GALNT13: variants seen among roughly 807,000 people sequenced by gnomAD.
GALNT13 encodes UDP-GalNAc:polypeptide N-acetylgalactosaminyltransferase 13.
Under a neutral mutation model 64.2 loss-of-function variants are expected in GALNT13, and 28 were observed. The ratio of observed to expected loss-of-function variants is 0.44; its 90% CI spans 0.32 to 0.60. GALNT13 has a LOEUF of 0.60. Among genes scored for constraint, GALNT13 ranks in the 20% least tolerant of loss-of-function variants. GALNT13 has a pLI of 0.05. For synonymous variants in GALNT13, 214 were observed against 224.6 expected, an observed-to-expected ratio of 0.95 and a Z score of 0.42; for missense variants, 577 against 669.8, an observed-to-expected ratio of 0.86 and a Z score of 1.53.
chr2:154,070,648 T>C (rs1285369789), intron 3 of GALNT13, among the ~76,000 whole-genome samples: 1 of 152,164 alleles, frequency 6.6e-6, no homozygotes, highest in Non-Finnish European at 1.5e-5. Flanking sequence ...CCAGGTGCAG[T>C]GGCTCACACC....
At chr2:154,144,720 TA>T (rs1203548679) in intron 4 of GALNT13, among the ~76,000 whole-genome samples, 1 of 152,084 alleles carries the variant, frequency 6.6e-6, no homozygotes, top group African/African-American at 2.4e-5. Flanking sequence ...GGAATAAATC[TA>T]AGCATATATG....
chr2:154,004,787 AAT>A (rs1320246302), intron 3 of GALNT13, among the ~76,000 whole-genome samples: 1 of 152,196 alleles, frequency 6.6e-6, no homozygotes, highest in Admixed American at 6.5e-5. Flanking sequence ...TTATGTTTCA[AAT>A]ATATGTTATT....
the GALNT13 span, among the ~76,000 whole-genome samples, chr2:153,751,461 ATC>A: frequency 1.3e-5 from 2 of 151,624 alleles, no homozygotes; most frequent in Non-Finnish European, 2.9e-5. Flanking sequence ...ACTGGGGCCT[ATC>A]TCTCTCTTTA....
At chr2:154,098,352 T>C (rs1702179981) in intron 3 of GALNT13, among the ~76,000 whole-genome samples, 3 of 152,006 alleles carry the variant, frequency 2.0e-5, no homozygotes, top group African/African-American at 7.2e-5. Flanking sequence ...TATTTTTTTT[T>C]CTTCGTACTC....
intron 3 of GALNT13, among the ~76,000 whole-genome samples, chr2:154,022,138 C>T (rs1697554960): frequency 6.6e-6 from 1 of 152,150 alleles, no homozygotes; most frequent in African/African-American, 2.4e-5. Flanking sequence ...CATCGATGTT[C>T]ATCAAGGATA....
the GALNT13 span, among the ~76,000 whole-genome samples, chr2:153,505,661 G>A: frequency 6.6e-6 from 1 of 151,916 alleles, no homozygotes; most frequent in Non-Finnish European, 1.5e-5. Context: ...ATATATGCAT[G>A]GTTTTGAGGG....
rs374121163 is a variant in GALNT13 at position 154,021,639 on chromosome 2, A to G, written c.142+77000A>G. 1.8e-3 allele frequency among the ~76,000 whole-genome samples: 280 copies of G among 151,952 alleles called. 3 individuals carry two copies. In the East Asian group the frequency reaches 0.035, roughly 19 times the overall value. ...GGTTTTCTAGATATACAATCATGTC[A>G]TCTGCAAACAGGGACAATTTGACTT... On this transcript the variant is annotated intron_variant, in intron 3 of 12. Transcript: ENST00000392825.
At chr2:154,398,594 A>T (rs969422922) in intron 10 of GALNT13, among the ~76,000 whole-genome samples, 1 of 152,230 alleles carries the variant, frequency 6.6e-6, no homozygotes, top group Non-Finnish European at 1.5e-5. Context: ...AGCCTTTCAT[A>T]GCATCTAAAA....
At chr2:153,535,019 A>AT in the GALNT13 span, among the ~76,000 whole-genome samples, 40 of 151,984 alleles carry the variant, frequency 2.6e-4, no homozygotes, top group Middle Eastern at 3.4e-3. Context: ...GGCGGCGAAA[A>AT]TTTTTGGGGG....
At chr2:154,184,389 G>A (rs1686136738) in intron 4 of GALNT13, among the ~76,000 whole-genome samples, 1 of 152,014 alleles carries the variant, frequency 6.6e-6, no homozygotes, top group Admixed American at 6.6e-5. Flanking sequence ...CTTTATACTT[G>A]AAGTAATTAT....
chr2:153,380,426 TG>T, the GALNT13 span, among the ~76,000 whole-genome samples: 1 of 152,064 alleles, frequency 6.6e-6, no homozygotes, highest in African/African-American at 2.4e-5. Context: ...GAGCTATGAA[TG>T]CACAACTGCC....
At chr2:153,938,443 G>A (rs1022974511) in intron 2 of GALNT13, among the ~76,000 whole-genome samples, 1 of 152,114 alleles carries the variant, frequency 6.6e-6, no homozygotes, top group Non-Finnish European at 1.5e-5. Context: ...ACTGCAGTGT[G>A]GGCTCATAGA....
chr2:153,259,190 C>G, the GALNT13 span, among the ~76,000 whole-genome samples: 1 of 152,252 alleles, frequency 6.6e-6, no homozygotes, highest in East Asian at 1.9e-4. Context: ...CTTTCTTTGC[C>G]TCTGTATAGC....
chr2:153,485,304 T>C, the GALNT13 span, among the ~76,000 whole-genome samples: 9 of 152,352 alleles, frequency 5.9e-5, no homozygotes, highest in East Asian at 1.5e-3. Context: ...CTTGGATATA[T>C]GGAATATTCT....
chr2:153,924,829 T>TC (rs1041340088), intron 2 of GALNT13, among the ~76,000 whole-genome samples: 44 of 152,318 alleles, frequency 2.9e-4, no homozygotes, highest in African/African-American at 9.9e-4. Context: ...GAGCTTTTTT[T>TC]CATGTTTGTT....
chr2:153,209,201 C>T, the GALNT13 span, among the ~76,000 whole-genome samples: 2 of 151,818 alleles, frequency 1.3e-5, no homozygotes, highest in Non-Finnish European at 2.9e-5. Context: ...AGGATGGTCT[C>T]GATTTCCTGA....
At chr2:153,583,595 T>C in the GALNT13 span, among the ~76,000 whole-genome samples, 8 of 152,272 alleles carry the variant, frequency 5.3e-5, no homozygotes, top group East Asian at 5.8e-4. Context: ...TGCGGAATCA[T>C]GCAATCTGGG....
At chr2:153,364,361 C>G in the GALNT13 span, among the ~76,000 whole-genome samples, 1 of 151,338 alleles carries the variant, frequency 6.6e-6, no homozygotes, top group Non-Finnish European at 1.5e-5. Flanking sequence ...CACTCCTGTT[C>G]AACATACTAT....
chr2:154,445,905 A>G (rs1364704446), intron 12 of GALNT13: 8 of 777,166 alleles, frequency 1.0e-5, no homozygotes, highest in Non-Finnish European at 1.5e-5. Flanking sequence ...AAATAGATGG[A>G]GAGCAAGAAA....
Sources: allele counts gnomAD v4.1 joint callset (sites outside exome capture counted in the v4.1 genomes callset), GRCh38; gene constraint gnomAD v4.1.1; transcripts MANE v1.5; gene names NCBI Gene and HGNC (gene_info 2026-07-23, HGNC 2026-07-21).